The following DCAF12 variants were observed in gnomAD, a reference collection of about 807,000 sequenced individuals.
The protein encoded by DCAF12 is DDB1- and CUL4-associated factor 12.
A neutral mutation model predicts 52.8 loss-of-function variants in DCAF12; 28 were observed. The observed-to-expected ratio is 0.53, with a 90% CI of 0.39 to 0.73. The LOEUF (loss-of-function observed/expected upper bound fraction) is 0.73. Among genes scored for constraint, DCAF12 ranks in the 30% least tolerant of loss-of-function variants. The probability of loss-of-function intolerance (pLI) is 0.00; values close to 1 mark genes in which losing one functional copy is unlikely to be tolerated. For missense variants in DCAF12, 425 were observed against 552.2 expected (o/e 0.77, Z 2.31); for synonymous variants, 196 against 215.5 (o/e 0.91, Z 0.79).
At chr9:34,107,684 C>T in intron 2 of DCAF12, 119 bp from the exon 3 acceptor site, 2 of 810,862 alleles carry the variant, frequency 2.5e-6, no homozygotes, top group Non-Finnish European at 3.9e-6. Flanking sequence ...ACATGTTAGA[C>T]CCTAGGAATT....
intron 2 of DCAF12, among the ~76,000 whole-genome samples, chr9:34,113,816 A>G (rs1255443178): frequency 6.6e-6 from 1 of 152,016 alleles, no homozygotes; most frequent in Admixed American, 6.6e-5. Context: ...GCATAAAGAA[A>G]ATGTGGCACA....
Position 34,125,030 on chromosome 9 carries a change from C to G in DCAF12, c.326G>C (p.Cys109Ser). The G allele has an allele frequency of 6.2e-7, 1 of 1,613,114 alleles. No individual in the cohort carries two copies. Among genetic ancestry groups the G allele is most frequent in the Non-Finnish European group, 8.5e-7 (1 of 1,180,024 alleles). ...ATCCCCCCAGGCACTTACCGTGTTGCATTTTGTGCCACACACCACTTGCCT... is the reference window on the plus strand; with the variant it reads ...ATCCCCCCAGGCACTTACCGTGTTGGATTTTGTGCCACACACCACTTGCCT... ...NHRQVVCGTK[C>S]NTLFVVDVQT... Residue 109 changes from cysteine to serine, a missense_variant, in exon 2 of 9, where the codon TGC becomes TCC. This residue lies in a region of DCAF12 where 328 missense variants were observed against 444.4 expected (regional missense o/e 0.74). Coordinates refer to ENST00000361264, the MANE Select transcript of DCAF12 (RefSeq NM_015397.4).
chr9:34,125,047 C>G lies in DCAF12; in HGVS notation c.309G>C (p.Val103=). The G allele has an allele frequency of 6.2e-7, 1 of 1,613,466 alleles. No homozygotes were observed. Among genetic ancestry groups the G allele is most frequent in the South Asian group, 1.1e-5 (1 of 91,034 alleles). ...CCGTGTTGCATTTTGTGCCACACAC[C>G]ACTTGCCTATGATTCAACCACTGAG... is the stretch of plus-strand genomic sequence containing the variant. ...FASQWLNHRQ[V]VCGTKCNTLF... Residue 103 remains valine, a synonymous_variant, in exon 2 of 9, where the codon GTG becomes GTC. Coordinates refer to ENST00000361264, the MANE Select transcript of DCAF12 (RefSeq NM_015397.4).
In DCAF12 at chr9:34,098,451, C is replaced by T; in HGVS notation, c.668G>A (p.Arg223Lys). 6.2e-7 allele frequency: 1 copy of T among 1,614,200 alleles called. No individual in the cohort carries two copies. Among genetic ancestry groups the T allele is most frequent in the Non-Finnish European group, 8.5e-7 (1 of 1,180,042 alleles). Residue 223 changes from arginine (R) to lysine (K), a missense_variant, in exon 5 of 9, where the codon AGA (arginine) becomes AAA (lysine). Arg to Lys is a conservative substitution (Grantham distance 26, BLOSUM62 2). Coordinates refer to ENST00000361264, the MANE Select transcript of DCAF12 (RefSeq NM_015397.4). Reference sequence around the variant, plus strand: ...CACAGGGACCCGTGACACATTGTGTCTCGCATCACTTTTGGTCAAAACATC... The same window carrying T: ...CACAGGGACCCGTGACACATTGTGTTTCGCATCACTTTTGGTCAAAACATC... ...TDDVLTKSDA[R>K]HNVSRVPVYA...
intron 4 of DCAF12, among the ~76,000 whole-genome samples, chr9:34,104,166 G>A (rs189113112): frequency 7.9e-5 from 12 of 152,026 alleles, no homozygotes; most frequent in South Asian, 2.1e-4. Context: ...TTGGGAGGCC[G>A]AGGCAAGAGA....
intron 7 of DCAF12, among the ~76,000 whole-genome samples, chr9:34,092,546 C>T (rs1025803446): frequency 1.1e-4 from 16 of 152,070 alleles, no homozygotes; most frequent in South Asian, 2.1e-4. Context: ...ATTAGCTGGG[C>T]GTGGTGGTGT....
At chr9:34,100,292 G>A (rs948458563) in intron 4 of DCAF12, among the ~76,000 whole-genome samples, 23 of 149,548 alleles carry the variant, frequency 1.5e-4, no homozygotes, top group Admixed American at 8.8e-4. Flanking sequence ...TCCGCCTCCT[G>A]GGTTCACGCC....
intron 4 of DCAF12, among the ~76,000 whole-genome samples, chr9:34,103,948 C>T (rs1828867745): frequency 6.6e-6 from 1 of 152,180 alleles, no homozygotes; most frequent in African/African-American, 2.4e-5. Flanking sequence ...CCTTCCCACA[C>T]TGCTAATCTC....
intron 2 of DCAF12, among the ~76,000 whole-genome samples, chr9:34,119,468 G>C (rs1240700798): frequency 2.0e-5 from 3 of 152,068 alleles, no homozygotes; most frequent in African/African-American, 7.3e-5. Flanking sequence ...TAAACGTACT[G>C]AATTCTTCGC....
intron 2 of DCAF12, among the ~76,000 whole-genome samples, chr9:34,116,631 C>T (rs1241376931): frequency 6.6e-6 from 1 of 151,580 alleles, no homozygotes; most frequent in African/African-American, 2.4e-5. Flanking sequence ...GCCAAGATGG[C>T]ACCACTCAGC....
At chr9:34,093,945 C>G (rs1828692645) in intron 6 of DCAF12, among the ~76,000 whole-genome samples, 1 of 152,154 alleles carries the variant, frequency 6.6e-6, no homozygotes, top group African/African-American at 2.4e-5. Flanking sequence ...CCAGATAACC[C>G]ACATCAGCCT....
chr9:34,097,257 T>C (rs1271415730), intron 5 of DCAF12, among the ~76,000 whole-genome samples: 8 of 69,830 alleles, frequency 1.1e-4, no homozygotes, highest in Non-Finnish European at 2.1e-4. Flanking sequence ...CTGACACTGC[T>C]TTTTTTTTTT....
intron 2 of DCAF12, chr9:34,110,105 C>T (rs1828975587): frequency 1.3e-5 from 2 of 151,630 alleles, no homozygotes; most frequent in South Asian, 2.1e-4. Flanking sequence ...GTGTCAGAGA[C>T]TGAGTGGGAG....
intron 2 of DCAF12, among the ~76,000 whole-genome samples, chr9:34,119,063 T>G (rs1829132530): frequency 6.6e-6 from 1 of 152,172 alleles, no homozygotes; most frequent in South Asian, 2.1e-4. Flanking sequence ...CATATGGTTG[T>G]GTATTTGCCC....
In DCAF12 at chr9:34,088,333, C is replaced by G. The variant is rs1377521183; in HGVS notation, c.*17G>C. 6.5e-7 allele frequency: 1 copy of G among 1,532,284 alleles called. No individual in the cohort carries two copies. Among genetic ancestry groups the G allele is most frequent in the African/African-American group, 1.4e-5 (1 of 71,168 alleles). The allele number at this position is 1,532,284 out of a possible 1,614,324, so 94.9% of individuals were successfully genotyped here. A position where few individuals can be genotyped will look rare whatever the true frequency, so the allele number is the denominator to read the frequency against. ...GAATGGAAGTTAGTGTAAATCTCTG[C>G]ATTTGGGGAGTTGTCATTAACTCCA... On this transcript the variant is annotated 3_prime_UTR_variant, in exon 9 of 9. Coordinates refer to ENST00000361264, the MANE Select transcript of DCAF12 (RefSeq NM_015397.4).
intron 6 of DCAF12, 22 bp downstream of exon 6, chr9:34,096,694 C>T (rs1828740565): frequency 6.2e-7 from 1 of 1,608,546 alleles, no homozygotes; most frequent in East Asian, 2.2e-5. Flanking sequence ...TAGGTAAAAC[C>T]ACAAAATCAT....
rs1224073730 is a variant in DCAF12 at position 34,087,896 on chromosome 9, C to T, written c.*454G>A. The T allele has an allele frequency of 6.5e-6, 1 of 153,246 alleles. No individual in the cohort carries two copies. Among genetic ancestry groups the T allele is most frequent in the African/African-American group, 2.4e-5 (1 of 41,348 alleles). The allele number at this position is 153,246 out of a possible 1,614,324, so 9.5% of individuals were successfully genotyped here. Reference sequence around the variant, plus strand: ...CTACAGGCACACAAGATCACACACACACACGCAGACAAGATCTCTCTCTCA... The same window carrying T: ...CTACAGGCACACAAGATCACACACATACACGCAGACAAGATCTCTCTCTCA... On this transcript the variant is annotated 3_prime_UTR_variant, in exon 9 of 9. Transcript: ENST00000361264.
At chr9:34,114,253 A>G (rs1829051094) in intron 2 of DCAF12, among the ~76,000 whole-genome samples, 1 of 152,176 alleles carries the variant, frequency 6.6e-6, no homozygotes, top group Non-Finnish European at 1.5e-5. Context: ...GACCTCACTT[A>G]TATGTGGAAC....
At chr9:34,125,701 C>G (rs1206781807) in intron 1 of DCAF12, 1 of 389,218 alleles carries the variant, frequency 2.6e-6, no homozygotes, top group Non-Finnish European at 5.5e-6. Context: ...AGACCTGGCT[C>G]CCAGGTCTTC....
Sources: gnomAD v4.1 joint callset for allele counts (sites outside exome capture counted in the v4.1 genomes callset) on GRCh38, gnomAD v4.1.1 for gene constraint, gnomAD v4.1.1 regional missense constraint, MANE v1.5 for transcripts, NCBI Gene and HGNC (gene_info 2026-07-23, HGNC 2026-07-21) for gene names.